Variants in AGL observed in about 807,000 individuals in gnomAD.
The protein encoded by AGL is glycogen debranching enzyme.
In AGL, 128 loss-of-function variants were observed where a neutral mutation model predicts 199.3. That is an observed-to-expected ratio of 0.64 (90% CI 0.56 to 0.74). The LOEUF is 0.74. AGL is among the 30% of genes least tolerant of loss of function. The pLI is 0.00. For missense variants in AGL, 1,809 were observed against 1,820.8 expected, an observed-to-expected ratio of 0.99 and a Z score of 0.12; for synonymous variants, 584 against 594.7, an observed-to-expected ratio of 0.98 and a Z score of 0.26.
intron 2 of AGL, chr1:99,852,826 C>A: frequency 1.4e-6 from 1 of 730,676 alleles, no homozygotes; most frequent in Non-Finnish European, 2.5e-6. Flanking sequence ...ATGAATCACT[C>A]CATGTATTCC....
chr1:99,902,592 A>G (rs778112692), intron 26 of AGL, 91 bp from the exon 27 acceptor site: 47 of 1,042,490 alleles, frequency 4.5e-5, no homozygotes, highest in Non-Finnish European at 6.9e-5. Context: ...AGGAAAGTAT[A>G]TATTTTCACA....
chr1:99,900,181 C>T (rs749918350), intron 25 of AGL, among the ~76,000 whole-genome samples: 8 of 152,134 alleles, frequency 5.3e-5, no homozygotes, highest in Non-Finnish European at 8.8e-5. Context: ...CCGCCCGCCT[C>T]GGCCTCCCAA....
upstream of AGL, among the ~76,000 whole-genome samples, chr1:99,849,832 G>T (rs1364447210): frequency 6.6e-6 from 1 of 152,170 alleles, no homozygotes; most frequent in African/African-American, 2.4e-5. Flanking sequence ...GCCCTTCCCA[G>T]CAAAAGATCC....
In AGL at chr1:99,880,050, G is replaced by A. The variant is rs751563983; in HGVS notation, c.1735+4G>A. ...GGCATTAGTTCCTTAATAAGAGGTA[G>A]GCTTGTTGGAGTGTATTTCCCTCTA... is the stretch of plus-strand genomic sequence containing the variant. On this transcript the variant is annotated splice_donor_region_variant and intron_variant, in intron 13 of 33. Transcript: ENST00000361915. 1.2e-6 allele frequency: 2 copies of A among 1,613,282 alleles called. No homozygotes were observed. Among genetic ancestry groups the A allele is most frequent in the Non-Finnish European group, 8.5e-7 (1 of 1,179,470 alleles).
intron 25 of AGL, among the ~76,000 whole-genome samples, chr1:99,900,205 C>T (rs1054657176): frequency 7.2e-5 from 11 of 152,178 alleles, no homozygotes; most frequent in Admixed American, 5.2e-4. Context: ...GCTGAGATTA[C>T]AGGTGTGAGC....
intron 5 of AGL, among the ~76,000 whole-genome samples, chr1:99,868,837 T>TG (rs201709809): frequency 0.03 from 4,535 of 151,340 alleles, 229 homozygotes; most frequent in African/African-American, 0.1. Context: ...TTTTTTTTTT[T>TG]TTTTTGAGAC....
intron 2 of AGL, among the ~76,000 whole-genome samples, chr1:99,860,325 G>C (rs1396260944): frequency 6.6e-6 from 1 of 151,672 alleles, no homozygotes; most frequent in Admixed American, 6.6e-5. Flanking sequence ...AAATTCCTTA[G>C]ATATTAAAGA....
intron 25 of AGL, among the ~76,000 whole-genome samples, chr1:99,899,129 T>A (rs749610910): frequency 1.8e-4 from 28 of 152,156 alleles, no homozygotes; most frequent in Non-Finnish European, 3.1e-4. Flanking sequence ...TTTTCTTAAT[T>A]GAAAGTGTCA....
chr1:99,852,529 C>A (rs1649052396), intron 2 of AGL: 1 of 632,994 alleles, frequency 1.6e-6, no homozygotes, highest in Non-Finnish European at 2.8e-6. Context: ...ATCACTATGC[C>A]CCGCTAATTT....
chr1:99,892,682 AT>A, intron 24 of AGL, 75 bp downstream of exon 24: 2 of 1,444,292 alleles, frequency 1.4e-6, no homozygotes, highest in South Asian at 1.2e-5. Context: ...GAAAATGATT[AT>A]TTTTTAAAAG....
upstream of AGL, chr1:99,850,329 G>T (rs1287595215): frequency 6.6e-6 from 1 of 152,594 alleles, no homozygotes; most frequent in Non-Finnish European, 1.5e-5. Context: ...TTCCCCTTCT[G>T]TTTCTCCCCG....
At position 99,865,452 on chromosome 1, in the gene AGL, T is replaced by A. The variant is rs1650428465; in HGVS notation, c.664+863T>A. 2.0e-5 allele frequency among the ~76,000 whole-genome samples: 3 copies of A among 152,240 alleles called. No homozygotes were observed. The South Asian group carries it at 6.2e-4, about 31-fold the overall frequency. ...AGAGCTTATTAAATTTAGTCTGTTT[T>A]GGTTCCTAAGATTCCTTAGTGGTAT... On this transcript the variant is annotated intron_variant, in intron 5 of 33. Transcript: ENST00000361915.
At chr1:99,867,189 C>T (rs140267937) in intron 5 of AGL, among the ~76,000 whole-genome samples, 1 of 152,228 alleles carries the variant, frequency 6.6e-6, no homozygotes, top group Non-Finnish European at 1.5e-5. Context: ...GCTTCACACA[C>T]TCTTTACGTA....
At chr1:99,917,269 A>G (rs1434823925) in intron 33 of AGL, among the ~76,000 whole-genome samples, 1 of 152,174 alleles carries the variant, frequency 6.6e-6, no homozygotes, top group African/African-American at 2.4e-5. Flanking sequence ...ATTTTAGATT[A>G]TACCTAAGTA....
In AGL at chr1:99,900,894, T is replaced by G. The variant is rs751617126; in HGVS notation, c.3588+33T>G. The stretch of plus-strand genomic sequence containing the variant: ...TATTTCTTAAAATGTTTTTTTGTTT[T>G]TTTTTTTTTTTCTGAAAAATGACTT... On this transcript the variant is annotated intron_variant, in intron 26 of 33. Transcript: ENST00000361915. The G allele has an allele frequency of 3.8e-5, 56 of 1,486,540 alleles. No homozygotes were observed. In the African/African-American group the frequency reaches 5.2e-4, roughly 14 times the overall value. The allele number at this position is 1,486,540 out of a possible 1,614,324, so 92.1% of individuals were successfully genotyped here.
chr1:99,855,295 G>C (rs7533698), intron 2 of AGL, among the ~76,000 whole-genome samples: 6,090 of 152,088 alleles, frequency 0.04, 434 homozygotes, highest in African/African-American at 0.14. Flanking sequence ...AAAAACTCTG[G>C]CAGTTTTTGG....
chr1:99,849,549 A>G (rs982873399), upstream of AGL, among the ~76,000 whole-genome samples: 1 of 152,114 alleles, frequency 6.6e-6, no homozygotes, highest in Non-Finnish European at 1.5e-5. Flanking sequence ...ACCGTTAAGT[A>G]TCAGTGGTGT....
intron 33 of AGL, among the ~76,000 whole-genome samples, chr1:99,919,799 G>T (rs1655392413): frequency 1.3e-5 from 2 of 152,136 alleles, no homozygotes; most frequent in South Asian, 2.1e-4. Flanking sequence ...GCTTGGGCCT[G>T]CTACCCCACA....
chr1:99,880,883 A>G, intron 14 of AGL, 88 bp downstream of exon 14: 1 of 1,462,952 alleles, frequency 6.8e-7, no homozygotes, highest in East Asian at 2.3e-5. Flanking sequence ...ATACCCATAT[A>G]CTTCAAAATA....
Sources: allele counts gnomAD v4.1 joint callset (sites outside exome capture counted in the v4.1 genomes callset), GRCh38; gene constraint gnomAD v4.1.1; transcripts MANE v1.5; gene names NCBI Gene and HGNC (gene_info 2026-07-23, HGNC 2026-07-21).